Variants in TTLL5 observed in about 807,000 individuals in gnomAD.
TTLL5 encodes the protein tubulin polyglutamylase TTLL5.
A neutral mutation model predicts 168.4 loss-of-function variants in TTLL5; 132 were observed. The observed-to-expected ratio is 0.78, with a 90% CI of 0.68 to 0.91. TTLL5 has a LOEUF of 0.91. TTLL5 is among the 40% of genes least tolerant of loss of function. The pLI is 0.00. For synonymous variants in TTLL5, 546 were observed against 558.6 expected, an observed-to-expected ratio of 0.98 and a Z score of 0.32; for missense variants, 1,545 against 1,581.5, an observed-to-expected ratio of 0.98 and a Z score of 0.39.
chr14:75,879,274 T>C (rs2031671999), intron 29 of TTLL5, among the ~76,000 whole-genome samples: 1 of 152,240 alleles, frequency 6.6e-6, no homozygotes, highest in Non-Finnish European at 1.5e-5. Context: ...AAATATGATC[T>C]GGGGAGCCTA....
chr14:75,714,530 T>G (rs1162395581), intron 9 of TTLL5, among the ~76,000 whole-genome samples: 2 of 152,226 alleles, frequency 1.3e-5, no homozygotes, highest in Non-Finnish European at 2.9e-5. Context: ...TCTTCTCGTT[T>G]ATTTATTCAT....
intron 28 of TTLL5, among the ~76,000 whole-genome samples, chr14:75,823,303 G>T (rs1221668022): frequency 1.3e-5 from 2 of 152,216 alleles, no homozygotes; most frequent in Non-Finnish European, 2.9e-5. Context: ...GAAAGTTGAT[G>T]TGCAGAGCCA....
intron 3 of TTLL5, among the ~76,000 whole-genome samples, chr14:75,671,257 C>CATT: frequency 6.6e-6 from 1 of 152,154 alleles, no homozygotes; most frequent in African/African-American, 2.4e-5. Flanking sequence ...TTTCATTGAA[C>CATT]TATACATTTA....
Position 75,848,286 on chromosome 14 carries a change from AC to A in TTLL5, c.3327-15380del, listed in dbSNP as rs570329450. On this transcript the variant is annotated intron_variant, in intron 28 of 31. Transcript: ENST00000298832. Reference sequence around the variant, plus strand: ...GACACTTTGCAAGCTGTTTATGTGCACTAGGTTTGAACCCAGCTACAATTCA... The same window carrying A: ...GACACTTTGCAAGCTGTTTATGTGCATAGGTTTGAACCCAGCTACAATTCA... 4.2e-3 allele frequency among the ~76,000 whole-genome samples: 637 copies of A among 152,160 alleles called. 12 individuals are homozygous for A. The highest frequency in any genetic ancestry group is 0.015 in the African/African-American group (617 of 41,412).
At chr14:75,875,396 AAAAT>A (rs2031405120) in intron 29 of TTLL5, among the ~76,000 whole-genome samples, 2 of 151,036 alleles carry the variant, frequency 1.3e-5, no homozygotes, top group Admixed American at 6.6e-5. Flanking sequence ...AAAAAATACA[AAAAT>A]TAGCTGCGTG....
chr14:75,670,930 C>T (rs2140094151), intron 3 of TTLL5, among the ~76,000 whole-genome samples: 1 of 152,138 alleles, frequency 6.6e-6, no homozygotes, highest in East Asian at 1.9e-4. Flanking sequence ...TCTAATTTTT[C>T]TTTTGTTGCT....
At chr14:75,725,024 A>G (rs946777943) in intron 12 of TTLL5, among the ~76,000 whole-genome samples, 3 of 152,132 alleles carry the variant, frequency 2.0e-5, no homozygotes, top group African/African-American at 7.2e-5. Context: ...CAGGCCTGGG[A>G]TCATGGGGAC....
intron 31 of TTLL5, among the ~76,000 whole-genome samples, chr14:75,954,086 A>G (rs2035039457): frequency 1.3e-5 from 2 of 152,038 alleles, no homozygotes; most frequent in South Asian, 4.2e-4. Flanking sequence ...ATCTCCACTA[A>G]AAATACAAAA....
chr14:75,953,610 A>T (rs1282051823), intron 31 of TTLL5, among the ~76,000 whole-genome samples: 1 of 152,180 alleles, frequency 6.6e-6, no homozygotes, highest in African/African-American at 2.4e-5. Context: ...GATGCAGGGT[A>T]ATGGTAAAGT....
At chr14:75,906,518 G>A in intron 31 of TTLL5, 1 of 985,794 alleles carries the variant, frequency 1.0e-6, no homozygotes, top group Non-Finnish European at 1.2e-6. Flanking sequence ...AAAATCAAAT[G>A]TAGTGTTAAG....
chr14:75,940,604 A>G (rs887374148), intron 31 of TTLL5, among the ~76,000 whole-genome samples: 1 of 152,218 alleles, frequency 6.6e-6, no homozygotes, highest in Non-Finnish European at 1.5e-5. Context: ...AATTTTCATA[A>G]CAGGGTGGTT....
At chr14:75,868,188 C>T (rs2030696646) in intron 29 of TTLL5, among the ~76,000 whole-genome samples, 1 of 152,162 alleles carries the variant, frequency 6.6e-6, no homozygotes, top group African/African-American at 2.4e-5. Flanking sequence ...TTCCTTCCCT[C>T]CCACTCTCTT....
chr14:75,920,811 G>A (rs2033800620), intron 31 of TTLL5, among the ~76,000 whole-genome samples: 1 of 151,346 alleles, frequency 6.6e-6, no homozygotes, highest in South Asian at 2.1e-4. Context: ...CTAGATCCTT[G>A]AATGGTTGAA....
chr14:75,671,727 A>C (rs1337866050), intron 3 of TTLL5, among the ~76,000 whole-genome samples: 1 of 152,164 alleles, frequency 6.6e-6, no homozygotes, highest in Non-Finnish European at 1.5e-5. Context: ...AGTTCTGTAT[A>C]TTGATCTTGT....
chr14:75,703,759 GT>G (rs970664959), intron 7 of TTLL5, among the ~76,000 whole-genome samples: 1 of 152,212 alleles, frequency 6.6e-6, no homozygotes, highest in African/African-American at 2.4e-5. Context: ...GTACTCTCTT[GT>G]TTCTGTTTGT....
At chr14:75,842,162 T>C (rs564782291) in intron 28 of TTLL5, among the ~76,000 whole-genome samples, 2 of 152,306 alleles carry the variant, frequency 1.3e-5, no homozygotes, top group South Asian at 2.1e-4. Context: ...TGAATTTTTA[T>C]AGATGCTGTC....
chr14:75,912,997 A>C (rs1289478310), intron 31 of TTLL5, among the ~76,000 whole-genome samples: 1 of 152,214 alleles, frequency 6.6e-6, no homozygotes. Flanking sequence ...GGTGAATTGC[A>C]TGTGTCTTAG....
At chr14:75,703,249 C>G (rs1283041394) in intron 7 of TTLL5, among the ~76,000 whole-genome samples, 1 of 152,206 alleles carries the variant, frequency 6.6e-6, no homozygotes, top group East Asian at 1.9e-4. Context: ...AAAATATCTT[C>G]CCCTCTCTTC....
chr14:75,800,233 T>C (rs1273154437), intron 27 of TTLL5, among the ~76,000 whole-genome samples: 1 of 152,172 alleles, frequency 6.6e-6, no homozygotes. Flanking sequence ...TCTGAAGTTC[T>C]TTCTTCTACT....
Sources: allele counts gnomAD v4.1 joint callset (sites outside exome capture counted in the v4.1 genomes callset), GRCh38; gene constraint gnomAD v4.1.1; transcripts MANE v1.5; gene names NCBI Gene and HGNC (gene_info 2026-07-23, HGNC 2026-07-21).